Variants in KIF24 observed in about 807,000 individuals in gnomAD.
The protein encoded by KIF24 is kinesin-like protein KIF24.
Under a neutral mutation model 118.9 loss-of-function variants are expected in KIF24, and 81 were observed. The observed-to-expected ratio is 0.68, with a 90% CI of 0.57 to 0.82. The LOEUF (loss-of-function observed/expected upper bound fraction) is 0.82. Ranked by LOEUF, KIF24 falls within the 40% of genes least tolerant of loss-of-function variation. The pLI is 0.00. For synonymous variants in KIF24, 599 were observed against 610.0 expected (o/e 0.98, Z 0.27); for missense variants, 1,560 against 1,661.6 (o/e 0.94, Z 1.06).
intron 12 of KIF24, 117 bp from the exon 13 acceptor site, chr9:34,254,637 G>A (rs998978416): frequency 3.0e-5 from 31 of 1,030,644 alleles, no homozygotes; most frequent in African/African-American, 4.8e-5. Flanking sequence ...CTCTTCCAGC[G>A]GGAGAACATG....
upstream of KIF24, among the ~76,000 whole-genome samples, chr9:34,330,830 G>C (rs975936035): frequency 6.6e-6 from 1 of 151,960 alleles, no homozygotes; most frequent in Non-Finnish European, 1.5e-5. Flanking sequence ...GCGTGGTGGC[G>C]GGCGCCTGTG....
chr9:34,300,761 T>C (rs891493716), intron 3 of KIF24, among the ~76,000 whole-genome samples: 2 of 149,250 alleles, frequency 1.3e-5, no homozygotes, highest in South Asian at 2.1e-4. Flanking sequence ...ATTATCACCA[T>C]AGGTTTTTAT....
At position 34,252,960 on chromosome 9, in the gene KIF24, A is replaced by T. The variant is rs190868353; in HGVS notation, c.*1420T>A. ...AATAGGGTTCATTCCTAAAGTAAGT[A>T]AGTTTTTGTCCTTGACCTTAATACT... is the stretch of plus-strand genomic sequence containing the variant. On this transcript the variant is annotated 3_prime_UTR_variant, in exon 13 of 13. Coordinates refer to ENST00000402558, the MANE Select transcript of KIF24 (RefSeq NM_194313.4). The T allele has an allele frequency of 1.3e-4, 20 of 152,328 alleles. No homozygotes were observed. The East Asian group carries it at 2.5e-3, about 19-fold the overall frequency. The allele number at this position is 152,328 out of a possible 1,614,324, so 9.4% of individuals were successfully genotyped here. A position where few individuals can be genotyped will look rare whatever the true frequency, so the allele number is the denominator to read the frequency against.
intron 3 of KIF24, 59 bp downstream of exon 3, chr9:34,306,193 C>CAA: frequency 8.4e-7 from 1 of 1,186,050 alleles, no homozygotes; most frequent in Non-Finnish European, 1.2e-6. Context: ...AAACAAAAAG[C>CAA]AAAAAAAAAT....
At chr9:34,308,773 T>A (rs745807890) in intron 2 of KIF24, among the ~76,000 whole-genome samples, 25 of 152,154 alleles carry the variant, frequency 1.6e-4, no homozygotes, top group Non-Finnish European at 3.1e-4. Context: ...AAGACATGCA[T>A]GTTTTTTTAA....
At chr9:34,299,751 A>T (rs1401373141) in intron 3 of KIF24, among the ~76,000 whole-genome samples, 1 of 151,606 alleles carries the variant, frequency 6.6e-6, no homozygotes. Flanking sequence ...TTCATATAAA[A>T]CTAACATGCA....
chr9:34,259,504 C>A (rs548524343), intron 10 of KIF24, 92 bp downstream of exon 10: 2 of 910,184 alleles, frequency 2.2e-6, no homozygotes, highest in East Asian at 2.5e-5. Context: ...CACTTGCACA[C>A]ACACACGCGT....
intron 8 of KIF24, among the ~76,000 whole-genome samples, chr9:34,267,518 T>A (rs891611638): frequency 6.6e-5 from 10 of 152,054 alleles, no homozygotes; most frequent in African/African-American, 2.2e-4. Flanking sequence ...AAATAATACA[T>A]GAGCCACAAA....
chr9:34,326,024 T>C (rs762701541), intron 1 of KIF24, among the ~76,000 whole-genome samples: 6 of 152,218 alleles, frequency 3.9e-5, no homozygotes, highest in African/African-American at 9.6e-5. Flanking sequence ...TTGTATGAGA[T>C]AGGCCCTGTT....
intron 3 of KIF24, 73 bp from the exon 4 acceptor site, chr9:34,297,187 T>TGATA (rs779496269): frequency 1.2e-6 from 1 of 830,456 alleles, no homozygotes; most frequent in Non-Finnish European, 1.9e-6. Flanking sequence ...AGTTAACAGA[T>TGATA]GATAAATGCC....
chr9:34,319,972 C>T (rs1336091322), intron 1 of KIF24, among the ~76,000 whole-genome samples: 1 of 152,184 alleles, frequency 6.6e-6, no homozygotes, highest in Non-Finnish European at 1.5e-5. Context: ...TAGCCAAGTA[C>T]CTTCTCACCT....
chr9:34,275,792 A>G (rs1001854822), intron 6 of KIF24, among the ~76,000 whole-genome samples: 1 of 151,970 alleles, frequency 6.6e-6, no homozygotes, highest in South Asian at 2.1e-4. Context: ...GTGAGCCAAG[A>G]TTGTACCACT....
chr9:34,290,854 C>T (rs1267780853), intron 4 of KIF24, among the ~76,000 whole-genome samples: 1 of 152,134 alleles, frequency 6.6e-6, no homozygotes, highest in Admixed American at 6.5e-5. Context: ...CCCACCTCGG[C>T]CACTCAAAGT....
intron 1 of KIF24, among the ~76,000 whole-genome samples, chr9:34,316,424 C>A (rs1837332127): frequency 6.6e-6 from 1 of 152,050 alleles, no homozygotes; most frequent in Non-Finnish European, 1.5e-5. Context: ...GCTTATGTGG[C>A]CATAGAGCCA....
chr9:34,261,589 A>G (rs1339422428), intron 9 of KIF24, among the ~76,000 whole-genome samples: 1 of 152,222 alleles, frequency 6.6e-6, no homozygotes, highest in East Asian at 1.9e-4. Context: ...TTTTAACATG[A>G]AAAGTTGCAG....
Position 34,257,469 on chromosome 9 carries a change from T to C in KIF24, c.2138A>G (p.Gln713Arg), listed in dbSNP as rs746818306. The stretch of plus-strand genomic sequence containing the variant: ...CTCAACTCGAGACACAAGCTGCTTC[T>C]GTACTGGCTGCACTGTCTGCACTTT... ...CKKVQTVQPVQKQLVSRVELS... is the reference protein window; with the variant it reads ...CKKVQTVQPVRKQLVSRVELS... Residue 713 changes from glutamine (Q) to arginine (R), a missense_variant, in exon 11 of 13, where the codon CAG becomes CGG. Transcript: ENST00000402558. The C allele has an allele frequency of 4.3e-6, 7 of 1,613,978 alleles. No homozygotes were observed. The highest frequency in any genetic ancestry group is 5.9e-6 in the Non-Finnish European group (7 of 1,179,914).
rs746377349 is a variant in KIF24, at chr9:34,257,810, T to C, written c.1797A>G (p.Ala599=). The C allele has an allele frequency of 1.9e-6, 3 of 1,614,060 alleles. No homozygotes were observed. In the South Asian group the frequency reaches 3.3e-5, roughly 18 times the overall value. ...CCTTCCCTCTCGTGGAACCAGGGGC[T>C]GCCACTGTGAGTGACTGCTGAAATC... The part of the protein sequence containing the change: ...KLGFQQSLTV[A]APGSTRGKVH... The change falls in exon 11 of 13, where the codon GCA becomes GCG. Residue 599 remains alanine (A), a synonymous_variant. Transcript: ENST00000402558.
Position 34,318,490 on chromosome 9 carries a change from T to C in KIF24, c.-25-7119A>G. ...TGAAGAAACCTGCAGCCACAGCAGC[T>C]CCTGGCACCGCAGAGAAGCTGAGCC... On this transcript the variant is annotated intron_variant, in intron 1 of 12. Transcript: ENST00000402558. This position sits in a 1 kb window ranked among gnomAD's most constrained non-coding sequence, Gnocchi z 4.9. 1.2e-6 allele frequency: 1 copy of C among 831,438 alleles called. No homozygotes were observed. The highest frequency in any genetic ancestry group is 2.0e-6 in the Non-Finnish European group (1 of 498,826). 51.5% of individuals were successfully genotyped at this position (831,438 alleles called of 1,614,324 possible). A position where few individuals can be genotyped will look rare whatever the true frequency, so the allele number is the denominator to read the frequency against.
intron 2 of KIF24, among the ~76,000 whole-genome samples, chr9:34,310,270 A>AT (rs1358635601): frequency 1.3e-5 from 2 of 152,194 alleles, no homozygotes; most frequent in African/African-American, 4.8e-5. Context: ...GACCTACTTA[A>AT]TTAAACTACA....
Sources: allele counts gnomAD v4.1 joint callset (sites outside exome capture counted in the v4.1 genomes callset), GRCh38; gene constraint gnomAD v4.1.1; non-coding constraint Gnocchi (gnomAD v3.1); transcripts MANE v1.5; gene names NCBI Gene and HGNC (gene_info 2026-07-23, HGNC 2026-07-21).